The following UMODL1 variants were observed in gnomAD, a reference collection of about 807,000 sequenced individuals.
UMODL1 encodes uromodulin-like 1.
A neutral mutation model predicts 136.3 loss-of-function variants in UMODL1; 128 were observed. The observed-to-expected ratio is 0.94, with a 90% confidence interval of 0.81 to 1.09. UMODL1 has a LOEUF of 1.09. UMODL1 is among the 50% of genes least tolerant of loss of function. The pLI is 0.00. For synonymous variants in UMODL1, 721 were observed against 720.0 expected (o/e 1.00, Z -0.02); for missense variants, 1,766 against 1,725.6 (o/e 1.02, Z -0.41).
At chr21:42,141,386 T>TA in intron 22 of UMODL1, among the ~76,000 whole-genome samples, 1 of 152,336 alleles carries the variant, frequency 6.6e-6, no homozygotes, top group African/African-American at 2.4e-5. Context: ...TCAGGACCCT[T>TA]ACAGCATAGA....
At chr21:42,089,662 C>A (rs977517794) in intron 5 of UMODL1, among the ~76,000 whole-genome samples, 3 of 152,230 alleles carry the variant, frequency 2.0e-5, no homozygotes, top group Non-Finnish European at 4.4e-5. Flanking sequence ...ATGGAGGCAA[C>A]TCCACGACTG....
intron 1 of UMODL1, among the ~76,000 whole-genome samples, chr21:42,074,947 G>A (rs2066270911): frequency 1.3e-5 from 2 of 151,560 alleles, no homozygotes; most frequent in African/African-American, 4.9e-5. Context: ...TGTCACCCAG[G>A]GTGGAGTGCA....
Position 42,123,269 on chromosome 21 carries a change from G to T in UMODL1, c.3147+119G>T. 3 of 1,204,646 alleles carry T rather than the reference G, an allele frequency of 2.5e-6. No homozygotes were observed. The highest frequency in any genetic ancestry group is 3.4e-6 in the Non-Finnish European group (3 of 880,496). 74.6% of individuals were successfully genotyped at this position (1,204,646 alleles called of 1,614,324 possible). A position where few individuals can be genotyped will look rare whatever the true frequency, so the allele number is the denominator to read the frequency against. ...TGCACCCCGAGGGGAACCCAGCAAG[G>T]GGGGTTCAGGACAGGGTTGAGTTCT... On this transcript the variant is annotated intron_variant, in intron 17 of 22. Coordinates refer to ENST00000408910, the MANE Select transcript of UMODL1 (RefSeq NM_001004416.3). The surrounding 1 kb of genome is among the most constrained non-coding windows in gnomAD (Gnocchi z 4.4).
chr21:42,106,759 A>G (rs905924605), intron 9 of UMODL1, among the ~76,000 whole-genome samples: 16 of 152,198 alleles, frequency 1.1e-4, no homozygotes, highest in Non-Finnish European at 2.2e-4. Flanking sequence ...AGTGAGGCGG[A>G]ACGGGTTGGA....
chr21:42,105,706 A>C (rs1427804413), intron 9 of UMODL1, among the ~76,000 whole-genome samples: 1 of 152,202 alleles, frequency 6.6e-6, no homozygotes, highest in Non-Finnish European at 1.5e-5. Context: ...CCACAAGATA[A>C]GACACTGGAA....
At position 42,123,273 on chromosome 21, in the gene UMODL1, G is replaced by A; in HGVS notation, c.3147+123G>A. ...CCCCGAGGGGAACCCAGCAAGGGGG[G>A]TTCAGGACAGGGTTGAGTTCTCAAC... is the stretch of plus-strand genomic sequence containing the variant. On this transcript the variant is annotated intron_variant, in intron 17 of 22. Transcript: ENST00000408910. This position sits in a 1 kb window ranked among gnomAD's most constrained non-coding sequence, Gnocchi z 4.4. 6.0e-6 allele frequency: 7 copies of A among 1,166,284 alleles called. No homozygotes were observed. In the South Asian group the frequency reaches 9.5e-5, roughly 16 times the overall value. The allele number at this position is 1,166,284 out of a possible 1,614,324, so 72.2% of individuals were successfully genotyped here. A position where few individuals can be genotyped will look rare whatever the true frequency, so the allele number is the denominator to read the frequency against.
At chr21:42,081,321 G>A (rs1937977441) in intron 2 of UMODL1, among the ~76,000 whole-genome samples, 1 of 152,192 alleles carries the variant, frequency 6.6e-6, no homozygotes, top group Non-Finnish European at 1.5e-5. Context: ...GGGAGCCTTG[G>A]GTTTTGTTGC....
rs1488216774 is a variant in UMODL1 at position 42,122,784 on chromosome 21, C to T, written c.2828-47C>T. 1 of 1,537,676 alleles carries T rather than the reference C, an allele frequency of 6.5e-7. No homozygotes were observed. Among genetic ancestry groups the T allele is most frequent in the Non-Finnish European group, 8.8e-7 (1 of 1,141,038 alleles). ...CTTACCCCTGCCCCTCCATGCCAAC[C>T]CCAAACACAGAGCCACTCTTTGCCT... On this transcript the variant is annotated intron_variant, in intron 16 of 22. Coordinates refer to ENST00000408910, the MANE Select transcript of UMODL1 (RefSeq NM_001004416.3). This position sits in a 1 kb window ranked among gnomAD's most constrained non-coding sequence, Gnocchi z 4.3.
Position 42,110,905 on chromosome 21 carries a change from T to G in UMODL1, c.1683T>G (p.Gly561=). Residue 561 remains glycine, a synonymous_variant, in exon 11 of 23, where the codon GGT becomes GGG. Coordinates refer to ENST00000408910, the MANE Select transcript of UMODL1 (RefSeq NM_001004416.3). ...CEGDLVSPMG[G]GLSAATGVTV... is the part of the protein sequence containing the mutation. ...GTGACCTGGTGAGCCCCATGGGCGG[T>G]GGACTGTCTGCGGCAACAGGGGTAA... 1 of 1,610,526 alleles carries G rather than the reference T, an allele frequency of 6.2e-7. No homozygotes were observed.
At chr21:42,090,064 G>A (rs554412905) in intron 5 of UMODL1, among the ~76,000 whole-genome samples, 9 of 152,324 alleles carry the variant, frequency 5.9e-5, no homozygotes, top group East Asian at 1.9e-4. Context: ...TGAGCCAGCC[G>A]CGAGCCCTGC....
intron 9 of UMODL1, among the ~76,000 whole-genome samples, chr21:42,108,093 A>G (rs1177439825): frequency 1.3e-5 from 2 of 152,212 alleles, no homozygotes; most frequent in African/African-American, 4.8e-5. Context: ...TACAGCTGTC[A>G]GCGCCTTCCT....
intron 1 of UMODL1, chr21:42,063,288 G>C (rs220266): frequency 0.86 from 131,491 of 152,304 alleles, 57,074 homozygotes; most frequent in African/African-American, 0.91. Context: ...GGCTGCCACT[G>C]AGCCCGCTGC....
At chr21:42,090,184 C>T (rs554957627) in intron 5 of UMODL1, 114 bp from the exon 6 acceptor site, 54 of 1,452,238 alleles carry the variant, frequency 3.7e-5, no homozygotes, top group Middle Eastern at 4.4e-4. Flanking sequence ...ACCCCTCAAC[C>T]GACGTGGCAC....
At chr21:42,130,325 A>C (rs2067118247) in intron 21 of UMODL1, among the ~76,000 whole-genome samples, 1 of 152,168 alleles carries the variant, frequency 6.6e-6, no homozygotes, top group African/African-American at 2.4e-5. Context: ...GTTCCCCCTC[A>C]GTTTAAAACT....
intron 2 of UMODL1, among the ~76,000 whole-genome samples, chr21:42,077,578 C>T (rs2066310167): frequency 6.6e-6 from 1 of 152,222 alleles, no homozygotes; most frequent in African/African-American, 2.4e-5. Flanking sequence ...AGACACGAGG[C>T]TTTGGGCGTT....
At chr21:42,116,824 C>G (rs904314204) in intron 14 of UMODL1, among the ~76,000 whole-genome samples, 1 of 152,170 alleles carries the variant, frequency 6.6e-6, no homozygotes, top group African/African-American at 2.4e-5. Flanking sequence ...GTCTATAATC[C>G]TAGCACTTTG....
rs755095912 is a variant in UMODL1 at position 42,109,593 on chromosome 21, C to T, written c.1551C>T (p.His517=). ...DWDECVDSAE[H]DCSPAAWCIN... ...ACGAGTGTGTGGACAGCGCGGAACA[C>T]GACTGCTCACCGGCTGCCTGGTGCA... Residue 517 remains histidine (H), a synonymous_variant, in exon 10 of 23, where the codon CAC becomes CAT. Coordinates refer to ENST00000408910, the MANE Select transcript of UMODL1 (RefSeq NM_001004416.3). 38 of 1,611,546 alleles carry T rather than the reference C, an allele frequency of 2.4e-5. No individual in the cohort carries two copies. Among genetic ancestry groups the T allele is most frequent in the South Asian group, 4.4e-5 (4 of 91,086 alleles).
chr21:42,136,706 G>A (rs1023161953), intron 21 of UMODL1, among the ~76,000 whole-genome samples: 2 of 149,366 alleles, frequency 1.3e-5, no homozygotes, highest in African/African-American at 2.5e-5. Flanking sequence ...TTTAGGGTCC[G>A]CACTCTGTTT....
chr21:42,084,156 C>T lies in UMODL1; in HGVS notation c.392C>T (p.Ser131Phe). Residue 131 changes from serine (S) to phenylalanine (F), a missense_variant, in exon 3 of 23, where the codon TCC (serine) becomes TTC (phenylalanine). Ser to Phe is a radical substitution (Grantham distance 155). Transcript: ENST00000408910. The part of the protein sequence containing the change: ...CPAEGPEPST[S>F]PCSLDIDCPG... ...GCAGAGGGGCCTGAACCATCCACCT[C>T]CCCCTGCAGCTTGGACATCGACTGT... is the stretch of plus-strand genomic sequence containing the variant. 2 of 1,614,174 alleles carry T rather than the reference C, an allele frequency of 1.2e-6. No individual in the cohort carries two copies. Among genetic ancestry groups the T allele is most frequent in the Admixed American group, 3.3e-5 (2 of 60,026 alleles).
Sources: allele counts gnomAD v4.1 joint callset (sites outside exome capture counted in the v4.1 genomes callset), GRCh38; gene constraint gnomAD v4.1.1; non-coding constraint Gnocchi (gnomAD v3.1); transcripts MANE v1.5; gene names NCBI Gene and HGNC (gene_info 2026-07-23, HGNC 2026-07-21).